The following MME variants were observed in gnomAD, a reference collection of about 807,000 sequenced individuals.
The protein encoded by MME is neprilysin.
A neutral mutation model predicts 113.2 loss-of-function variants in MME; 98 were observed. That is an observed-to-expected ratio of 0.87 (90% CI 0.74 to 1.02). MME has a LOEUF of 1.02. Among genes scored for constraint, MME ranks in the 50% least tolerant of loss-of-function variants. The pLI is 0.00. For missense variants in MME, 836 were observed against 896.0 expected (o/e 0.93, Z 0.86); for synonymous variants, 292 against 300.6 (o/e 0.97, Z 0.30).
Position 155,048,578 on chromosome 3 carries a change from C to T in MME, c.-11+24254C>T, listed in dbSNP as rs964366205. 3.9e-5 allele frequency among the ~76,000 whole-genome samples: 6 copies of T among 152,146 alleles called. No homozygotes were observed. In the South Asian group the frequency reaches 8.3e-4, roughly 21 times the overall value. ...CATCAGAGCTCTAGAGACTTTGTGT[C>T]ACTGTAAAATTAGAGGGAGTCTGAA... is the stretch of plus-strand genomic sequence containing the variant. On this transcript the variant is annotated intron_variant, in intron 1 of 22. Coordinates refer to the MME transcript ENST00000492661.
chr3:155,105,381 G>A (rs1717602542), intron 3 of MME, among the ~76,000 whole-genome samples: 1 of 152,150 alleles, frequency 6.6e-6, no homozygotes, highest in East Asian at 1.9e-4. Flanking sequence ...ATTTTTAAAT[G>A]TCATTTGGAG....
At chr3:155,072,611 A>G (rs1714618761) in intron 1 of MME, among the ~76,000 whole-genome samples, 1 of 152,048 alleles carries the variant, frequency 6.6e-6, no homozygotes, top group South Asian at 2.1e-4. Flanking sequence ...GCAGTTGGTT[A>G]TTTTGTATTC....
chr3:155,177,436 T>C (rs905166157), intron 22 of MME, among the ~76,000 whole-genome samples: 1 of 152,224 alleles, frequency 6.6e-6, no homozygotes, highest in African/African-American at 2.4e-5. Context: ...TCCCGCAACC[T>C]GAAAGACTAA....
intron 3 of MME, among the ~76,000 whole-genome samples, chr3:155,105,344 C>T (rs1461082572): frequency 6.6e-6 from 1 of 152,128 alleles, no homozygotes; most frequent in African/African-American, 2.4e-5. Context: ...ATTTGGGTTC[C>T]TCTGCCTCTC....
In MME at chr3:155,115,167, T is replaced by C; in HGVS notation, c.358+12T>C. On this transcript the variant is annotated intron_variant, in intron 4 of 22. Coordinates refer to ENST00000360490, the MANE Select transcript of MME (RefSeq NM_007289.4). ...AGTCGTTTTGAAAGGTTAGTAGAGA[T>C]TGTGTCTGTGCATCAAAGATTTCTC... 6.2e-7 allele frequency: 1 copy of C among 1,613,678 alleles called. No individual in the cohort carries two copies. Among genetic ancestry groups the C allele is most frequent in the Non-Finnish European group, 8.5e-7 (1 of 1,179,766 alleles).
chr3:155,140,372 C>T, intron 10 of MME, 80 bp downstream of exon 10: 1 of 708,012 alleles, frequency 1.4e-6, no homozygotes, highest in South Asian at 1.6e-5. Flanking sequence ...TAAAATTCGT[C>T]AAGTTTTTAT....
chr3:155,071,166 C>T (rs1714538596), intron 1 of MME, among the ~76,000 whole-genome samples: 1 of 152,160 alleles, frequency 6.6e-6, no homozygotes, highest in African/African-American at 2.4e-5. Context: ...CCTCCTTTCC[C>T]GTTTCTCTGC....
At chr3:155,056,261 C>T (rs192803691) in intron 1 of MME, among the ~76,000 whole-genome samples, 4,023 of 151,472 alleles carry the variant, frequency 0.027, 82 homozygotes, top group South Asian at 0.088. Context: ...ATGTGCCATG[C>T]TGGTGTGCTG....
chr3:155,054,054 A>C (rs1195415485), intron 1 of MME, among the ~76,000 whole-genome samples: 1 of 152,206 alleles, frequency 6.6e-6, no homozygotes, highest in Non-Finnish European at 1.5e-5. Context: ...AATCACCAGA[A>C]GCTGTTCTCC....
Position 155,148,573 on chromosome 3 carries a change from C to T in MME, c.1521C>T (p.Tyr507=), listed in dbSNP as rs1259658665. The part of the protein sequence containing the change: ...YLELNYKEDE[Y]FENIIQNLKF... ...AGTTGAACTACAAAGAAGATGAATA[C>T]TTCGAGAACATAATTCAAAATTTGA... Residue 507 remains tyrosine, a synonymous_variant, in exon 16 of 23, where the codon TAC becomes TAT. Transcript: ENST00000360490. 9 of 1,609,320 alleles carry T rather than the reference C, an allele frequency of 5.6e-6. No individual in the cohort carries two copies. The highest frequency in any genetic ancestry group is 7.7e-6 in the Non-Finnish European group (9 of 1,176,146).
chr3:155,050,005 C>T (rs1713704452), intron 1 of MME, among the ~76,000 whole-genome samples: 1 of 152,054 alleles, frequency 6.6e-6, no homozygotes, highest in African/African-American at 2.4e-5. Context: ...TCCAAGTAGA[C>T]CCCAGTATCT....
intron 17 of MME, among the ~76,000 whole-genome samples, chr3:155,163,860 A>G (rs182748189): frequency 5.3e-5 from 8 of 152,222 alleles, no homozygotes; most frequent in Admixed American, 4.6e-4. Flanking sequence ...AAGAATGTTT[A>G]GACTATGCAT....
At chr3:155,079,179 G>T (rs1309601702), upstream of MME, among the ~76,000 whole-genome samples, 2 of 152,002 alleles carry the variant, frequency 1.3e-5, no homozygotes, top group African/African-American at 4.8e-5. Flanking sequence ...AAGGAAAGAA[G>T]GAAACGGGGA....
chr3:155,054,603 C>A (rs1713865582), intron 1 of MME, among the ~76,000 whole-genome samples: 1 of 152,130 alleles, frequency 6.6e-6, no homozygotes, highest in African/African-American at 2.4e-5. Flanking sequence ...CTGAGGATCA[C>A]CAAGGTCAGG....
At chr3:155,101,080 C>G (rs1359704328) in intron 3 of MME, among the ~76,000 whole-genome samples, 4 of 151,920 alleles carry the variant, frequency 2.6e-5, no homozygotes, top group Non-Finnish European at 5.9e-5. Context: ...TGTGTGGAAC[C>G]CCCCCACCCA....
intron 4 of MME, among the ~76,000 whole-genome samples, chr3:155,115,554 A>G (rs1339853471): frequency 6.6e-6 from 1 of 151,992 alleles, no homozygotes; most frequent in Admixed American, 6.5e-5. Flanking sequence ...TCAGCCTCCC[A>G]AGTAGCTGGG....
At chr3:155,061,205 C>A (rs1293298903) in intron 1 of MME, among the ~76,000 whole-genome samples, 1 of 152,136 alleles carries the variant, frequency 6.6e-6, no homozygotes, top group African/African-American at 2.4e-5. Flanking sequence ...GTAATCCCAG[C>A]ACTTTGGGAG....
chr3:155,140,410 C>CTTTTTTTTTTTTTTTTT (rs35653282), intron 10 of MME, 118 bp downstream of exon 10: 1 of 215,664 alleles, frequency 4.6e-6, no homozygotes, highest in Non-Finnish European at 8.3e-6. Context: ...ACTTCAATTC[C>CTTTTTTTTTTTTTTTTT]TTTTTTTTTT....
chr3:155,071,936 T>A (rs903956429), intron 1 of MME, among the ~76,000 whole-genome samples: 1 of 149,346 alleles, frequency 6.7e-6, no homozygotes, highest in Non-Finnish European at 1.5e-5. Context: ...CCGAGGCGGG[T>A]GGATCATGAG....
Sources: gnomAD v4.1 joint callset for allele counts (sites outside exome capture counted in the v4.1 genomes callset) on GRCh38, gnomAD v4.1.1 for gene constraint, MANE v1.5 for transcripts, NCBI Gene and HGNC (gene_info 2026-07-23, HGNC 2026-07-21) for gene names.